PRIM2: variants seen among roughly 807,000 people sequenced by gnomAD.
PRIM2 encodes the protein DNA primase large subunit.
In PRIM2, 39 loss-of-function variants were observed where a neutral mutation model predicts 67.3. That is an observed-to-expected ratio of 0.58 (90% CI 0.45 to 0.76). The LOEUF is 0.76. Ranked by LOEUF, PRIM2 falls within the 30% of genes least tolerant of loss-of-function variation. The probability of loss-of-function intolerance (pLI) is 0.00; values close to 1 mark genes in which losing one functional copy is unlikely to be tolerated. For synonymous variants in PRIM2, 143 were observed against 198.7 expected, an observed-to-expected ratio of 0.72 and a Z score of 2.36; for missense variants, 398 against 598.7, an observed-to-expected ratio of 0.66 and a Z score of 3.50.
intron 8 of PRIM2, among the ~76,000 whole-genome samples, chr6:57,517,965 T>G (rs2127463003): frequency 6.6e-6 from 1 of 152,294 alleles, no homozygotes; most frequent in African/African-American, 2.4e-5. Context: ...AGTCTAAATG[T>G]TTAGTTAACC....
intron 12 of PRIM2, among the ~76,000 whole-genome samples, chr6:57,608,116 C>G (rs1776593903): frequency 6.6e-6 from 1 of 151,868 alleles, no homozygotes; most frequent in Non-Finnish European, 1.5e-5. Context: ...GTAATCTTGG[C>G]TAATCCTTCT....
the PRIM2 span, among the ~76,000 whole-genome samples, chr6:57,274,886 C>A: frequency 6.6e-6 from 1 of 152,016 alleles, no homozygotes; most frequent in Non-Finnish European, 1.5e-5. Flanking sequence ...AAGTGATTCC[C>A]CTGCCTCAGC....
intron 12 of PRIM2, among the ~76,000 whole-genome samples, chr6:57,608,170 C>T (rs1239642706): frequency 6.6e-6 from 1 of 151,842 alleles, no homozygotes; most frequent in Non-Finnish European, 1.5e-5. Flanking sequence ...GAAGACTGAA[C>T]AGAAATGGGG....
chr6:57,310,827 C>T (rs1487666812), upstream of PRIM2, among the ~76,000 whole-genome samples: 6 of 150,144 alleles, frequency 4.0e-5, no homozygotes, highest in African/African-American at 1.5e-4. Context: ...GCAGGGCAGC[C>T]GGGCAGAGAC....
chr6:57,488,091 G>A (rs1305704703), intron 7 of PRIM2, among the ~76,000 whole-genome samples: 1 of 152,122 alleles, frequency 6.6e-6, no homozygotes, highest in African/African-American at 2.4e-5. Flanking sequence ...TTGAACTCAG[G>A]CGTGTCTGAC....
At chr6:57,229,869 C>T in the PRIM2 span, among the ~76,000 whole-genome samples, 48 of 79,888 alleles carry the variant, frequency 6.0e-4, no homozygotes, top group South Asian at 0.026. Flanking sequence ...TTTTTTGTTG[C>T]ACTCGATGAC....
chr6:57,239,192 T>C, the PRIM2 span, among the ~76,000 whole-genome samples: 1 of 152,068 alleles, frequency 6.6e-6, no homozygotes, highest in Non-Finnish European at 1.5e-5. Flanking sequence ...GGTTTCACCA[T>C]GTTGGCCAGA....
At chr6:57,432,756 C>G (rs1250286799) in intron 7 of PRIM2, among the ~76,000 whole-genome samples, 3 of 152,148 alleles carry the variant, frequency 2.0e-5, no homozygotes, top group Non-Finnish European at 4.4e-5. Context: ...CATTGAAGAA[C>G]TGAGTAGTCC....
intron 7 of PRIM2, among the ~76,000 whole-genome samples, chr6:57,411,038 T>C (rs1436881109): frequency 3.2e-4 from 48 of 152,090 alleles, no homozygotes; most frequent in Non-Finnish European, 6.0e-4. Context: ...GGTGTTTGGA[T>C]CATGCGGGCA....
chr6:57,310,494 C>T (rs1411001238), upstream of PRIM2, among the ~76,000 whole-genome samples: 1 of 152,254 alleles, frequency 6.6e-6, no homozygotes, highest in African/African-American at 2.4e-5. Context: ...TTTCTTTTCC[C>T]CGCATTTCTC....
intron 5 of PRIM2, among the ~76,000 whole-genome samples, chr6:57,377,742 T>C (rs1467692977): frequency 2.6e-5 from 4 of 152,042 alleles, no homozygotes; most frequent in African/African-American, 9.7e-5. Context: ...TTTTTTTTTC[T>C]TTTTCCTCTT....
At chr6:57,318,297 T>C (rs1038372373) in intron 1 of PRIM2, 140 bp from the exon 2 acceptor site, 1 of 732,000 alleles carries the variant, frequency 1.4e-6, no homozygotes, top group East Asian at 2.7e-5. Flanking sequence ...CACCCAGGAA[T>C]TGCCACTGCT....
At chr6:57,272,014 C>G in the PRIM2 span, among the ~76,000 whole-genome samples, 1 of 152,136 alleles carries the variant, frequency 6.6e-6, no homozygotes, top group East Asian at 1.9e-4. Flanking sequence ...AATTTCTGTT[C>G]TTTTACATTT....
At chr6:57,565,173 A>T (rs1775713915) in intron 10 of PRIM2, among the ~76,000 whole-genome samples, 1 of 152,124 alleles carries the variant, frequency 6.6e-6, no homozygotes, top group African/African-American at 2.4e-5. Context: ...ATACTTTAAA[A>T]AAATTTAACA....
At chr6:57,517,759 G>A (rs1266775992) in intron 8 of PRIM2, among the ~76,000 whole-genome samples, 2 of 152,138 alleles carry the variant, frequency 1.3e-5, no homozygotes, top group African/African-American at 2.4e-5. Context: ...AGGCTCCTAA[G>A]TCAGGGCAGC....
intron 8 of PRIM2, among the ~76,000 whole-genome samples, chr6:57,516,780 T>A (rs1774497692): frequency 1.3e-5 from 2 of 152,220 alleles, no homozygotes; most frequent in African/African-American, 4.8e-5. Flanking sequence ...GAACTCTTAC[T>A]GGTTGCCTCA....
the PRIM2 span, among the ~76,000 whole-genome samples, chr6:57,230,208 T>C: frequency 6.6e-6 from 1 of 152,322 alleles, no homozygotes; most frequent in South Asian, 2.1e-4. Flanking sequence ...TCCTTGTCGC[T>C]TCCCTGTTCT....
chr6:57,575,181 A>G (rs1170824205), intron 10 of PRIM2, among the ~76,000 whole-genome samples: 5 of 152,156 alleles, frequency 3.3e-5, no homozygotes, highest in Admixed American at 1.3e-4. Flanking sequence ...TGCCTTATAG[A>G]TAGAAATCAG....
chr6:57,481,858 C>G (rs1166286839), intron 7 of PRIM2, among the ~76,000 whole-genome samples: 2 of 152,148 alleles, frequency 1.3e-5, no homozygotes, highest in South Asian at 4.1e-4. Context: ...TGATGTTGAA[C>G]TTTCTTTTTC....
Sources: gnomAD v4.1 joint callset for allele counts (sites outside exome capture counted in the v4.1 genomes callset) on GRCh38, gnomAD v4.1.1 for gene constraint, MANE v1.5 for transcripts, NCBI Gene and HGNC (gene_info 2026-07-23, HGNC 2026-07-21) for gene names.